Variants in PTPRD observed in about 807,000 individuals in gnomAD.
The protein encoded by PTPRD is receptor-type tyrosine-protein phosphatase delta.
In PTPRD, 34 loss-of-function variants were observed where a neutral mutation model predicts 214.5. The observed-to-expected ratio is 0.16, with a 90% CI of 0.12 to 0.21. PTPRD has a LOEUF of 0.21. Among genes scored for constraint, PTPRD ranks in the 10% least tolerant of loss-of-function variants. The pLI is 1.00. For synonymous variants in PTPRD, 1,128 were observed against 845.7 expected, an observed-to-expected ratio of 1.33 and a Z score of -5.79; for missense variants, 2,545 against 2,398.7, an observed-to-expected ratio of 1.06 and a Z score of -1.27.
At chr9:9,855,884 A>T (rs2061463909) in intron 5 of PTPRD, among the ~76,000 whole-genome samples, 1 of 152,198 alleles carries the variant, frequency 6.6e-6, no homozygotes, top group East Asian at 1.9e-4. Flanking sequence ...TCAGTGGGTC[A>T]TCTGCCTTTT....
chr9:10,457,600 C>A (rs2098928017), intron 2 of PTPRD, among the ~76,000 whole-genome samples: 1 of 151,946 alleles, frequency 6.6e-6, no homozygotes, highest in Non-Finnish European at 1.5e-5. Flanking sequence ...ACTGAAATCT[C>A]TAGGTGAACT....
intron 12 of PTPRD, among the ~76,000 whole-genome samples, chr9:8,662,463 G>A (rs2097081585): frequency 6.6e-6 from 1 of 152,178 alleles, no homozygotes; most frequent in South Asian, 2.1e-4. Context: ...ACAGGGAAGA[G>A]ATGACATACA....
intron 8 of PTPRD, among the ~76,000 whole-genome samples, chr9:9,406,558 C>G (rs1184756468): frequency 6.6e-6 from 1 of 151,890 alleles, no homozygotes; most frequent in Non-Finnish European, 1.5e-5. Flanking sequence ...CAGCCTCTTT[C>G]TTTCTTCACA....
At chr9:10,135,874 G>A (rs924329892) in intron 3 of PTPRD, among the ~76,000 whole-genome samples, 1 of 150,858 alleles carries the variant, frequency 6.6e-6, no homozygotes, top group Non-Finnish European at 1.5e-5. Flanking sequence ...AAAACTCACA[G>A]ATCAACATTA....
At chr9:9,312,664 C>G (rs547867598) in intron 9 of PTPRD, among the ~76,000 whole-genome samples, 5 of 152,032 alleles carry the variant, frequency 3.3e-5, no homozygotes, top group African/African-American at 4.8e-5. Context: ...CAGGTGGGTT[C>G]CTGTGTTGTG....
intron 3 of PTPRD, among the ~76,000 whole-genome samples, chr9:10,078,920 C>T (rs2098183597): frequency 6.6e-6 from 1 of 152,078 alleles, no homozygotes; most frequent in Non-Finnish European, 1.5e-5. Flanking sequence ...TGGTTGCCTT[C>T]TTCTGAAACT....
At position 8,721,429 on chromosome 9, in the gene PTPRD, C is replaced by CAA. The variant is rs35721977; in HGVS notation, c.64+12349_64+12350dup. On this transcript the variant is annotated intron_variant, in intron 12 of 45. Coordinates refer to ENST00000381196, the MANE Select transcript of PTPRD (RefSeq NM_002839.4). The stretch of plus-strand genomic sequence containing the variant: ...TGGACGACTGAGTGAGACTCCATTT[C>CAA]AAAAAAAAAAAAAAAAGAAAGATAA... 3.9e-3 allele frequency among the ~76,000 whole-genome samples: 382 copies of CAA among 97,286 alleles called. 3 individuals are homozygous for CAA. The highest frequency in any genetic ancestry group is 0.013 in the African/African-American group (366 of 28,060). The allele number at this position is 97,286 out of a possible 152,430, so 63.8% of individuals were successfully genotyped here.
intron 2 of PTPRD, among the ~76,000 whole-genome samples, chr9:10,564,379 C>T (rs1221043650): frequency 1.3e-5 from 2 of 150,098 alleles, no homozygotes; most frequent in Non-Finnish European, 1.5e-5. Context: ...CTGATTTCTT[C>T]GTAACTGACT....
intron 9 of PTPRD, among the ~76,000 whole-genome samples, chr9:9,389,442 A>G (rs942432342): frequency 2.0e-5 from 3 of 152,106 alleles, no homozygotes; most frequent in Non-Finnish European, 4.4e-5. Flanking sequence ...CCCGGGAGGC[A>G]GAGGTTGTGG....
At chr9:10,511,893 C>CAT (rs1465570387) in intron 2 of PTPRD, among the ~76,000 whole-genome samples, 1 of 130,698 alleles carries the variant, frequency 7.7e-6, no homozygotes, top group Non-Finnish European at 1.6e-5. Flanking sequence ...TACACACACA[C>CAT]ATATATATAC....
At chr9:10,551,659 A>G (rs1455091302) in intron 2 of PTPRD, among the ~76,000 whole-genome samples, 1 of 152,162 alleles carries the variant, frequency 6.6e-6, no homozygotes, top group African/African-American at 2.4e-5. Flanking sequence ...GCTCTATTAT[A>G]GAATTATAAG....
At chr9:8,992,673 G>T (rs1305180125) in intron 11 of PTPRD, among the ~76,000 whole-genome samples, 1 of 152,140 alleles carries the variant, frequency 6.6e-6, no homozygotes, top group African/African-American at 2.4e-5. Flanking sequence ...AAAATCTAGT[G>T]ATCTCAAGAG....
At chr9:8,758,327 T>A (rs2094161504) in intron 11 of PTPRD, among the ~76,000 whole-genome samples, 1 of 152,200 alleles carries the variant, frequency 6.6e-6, no homozygotes. Context: ...AGAAGTTAAC[T>A]CATTACATAC....
intron 3 of PTPRD, among the ~76,000 whole-genome samples, chr9:10,230,442 A>G (rs942085257): frequency 0.012 from 1,638 of 136,572 alleles, 32 homozygotes; most frequent in African/African-American, 0.039. Flanking sequence ...CTATGTATCT[A>G]TCTATCTATC....
chr9:8,632,875 C>T (rs1449975707), intron 14 of PTPRD, among the ~76,000 whole-genome samples: 2 of 151,802 alleles, frequency 1.3e-5, no homozygotes, highest in Non-Finnish European at 2.9e-5. Context: ...TGGTTCTGAC[C>T]AATTGCTTAA....
intron 12 of PTPRD, among the ~76,000 whole-genome samples, chr9:8,664,687 A>T (rs2097135735): frequency 6.6e-6 from 1 of 152,222 alleles, no homozygotes; most frequent in Non-Finnish European, 1.5e-5. Flanking sequence ...AGACACAGTA[A>T]TGACTCACAT....
intron 12 of PTPRD, among the ~76,000 whole-genome samples, chr9:8,663,443 A>T (rs2097105983): frequency 6.9e-6 from 1 of 144,206 alleles, no homozygotes; most frequent in African/African-American, 2.8e-5. Context: ...TCTGCATGTG[A>T]TTGTAAAAGC....
chr9:10,518,454 T>G (rs2050861639), intron 2 of PTPRD, among the ~76,000 whole-genome samples: 2 of 152,202 alleles, frequency 1.3e-5, no homozygotes. Context: ...TAAAGATGTT[T>G]CATTCCATCA....
At chr9:9,010,521 T>C (rs2099506538) in intron 11 of PTPRD, among the ~76,000 whole-genome samples, 1 of 151,880 alleles carries the variant, frequency 6.6e-6, no homozygotes, top group Non-Finnish European at 1.5e-5. Flanking sequence ...GAAAGAGGAG[T>C]TCTGTTATTT....
Sources: gnomAD v4.1 joint callset for allele counts (sites outside exome capture counted in the v4.1 genomes callset) on GRCh38, gnomAD v4.1.1 for gene constraint, MANE v1.5 for transcripts, NCBI Gene and HGNC (gene_info 2026-07-23, HGNC 2026-07-21) for gene names.